Variants in FGD3 observed in about 807,000 individuals in gnomAD.
The protein encoded by FGD3 is FYVE, RhoGEF and PH domain containing 3.
Under a neutral mutation model 71.8 loss-of-function variants are expected in FGD3, and 45 were observed. The ratio of observed to expected loss-of-function variants is 0.63; its 90% CI spans 0.49 to 0.80. FGD3 has a LOEUF of 0.80. Ranked by LOEUF, FGD3 falls within the 30% of genes least tolerant of loss-of-function variation. The probability of loss-of-function intolerance (pLI) is 0.00; values close to 1 mark genes in which losing one functional copy is unlikely to be tolerated. For synonymous variants in FGD3, 378 were observed against 392.8 expected (o/e 0.96, Z 0.44); for missense variants, 844 against 951.5 (o/e 0.89, Z 1.49).
intron 1 of FGD3, among the ~76,000 whole-genome samples, chr9:92,972,987 C>T (rs994770798): frequency 1.3e-5 from 2 of 152,040 alleles, no homozygotes; most frequent in African/African-American, 4.8e-5. Flanking sequence ...TAGGATGACA[C>T]AGACATGATA....
rs1397867999 is a variant in FGD3, at chr9:92,969,131, AC to A, written c.-217-6104del. ...TGCCTGGATTCTCTATCACAGGGTAACCCACAAGGGAGATCTTGTCGTCATC... is the reference window on the plus strand; with the variant it reads ...TGCCTGGATTCTCTATCACAGGGTAACCACAAGGGAGATCTTGTCGTCATC... On this transcript the variant is annotated intron_variant, in intron 1 of 17. Coordinates refer to ENST00000375482, the MANE Select transcript of FGD3 (RefSeq NM_001083536.2). This position sits in a 1 kb window ranked among gnomAD's most constrained non-coding sequence, Gnocchi z 4.5. 6.6e-6 allele frequency among the ~76,000 whole-genome samples: 1 copy of A among 152,210 alleles called. No homozygotes were observed. The highest frequency in any genetic ancestry group is 1.5e-5 in the Non-Finnish European group (1 of 68,022).
intron 1 of FGD3, among the ~76,000 whole-genome samples, chr9:92,956,033 AT>A (rs1859045023): frequency 6.6e-6 from 1 of 152,148 alleles, no homozygotes; most frequent in South Asian, 2.1e-4. Context: ...CTGCATGTTC[AT>A]TGCCAGTATA....
chr9:92,985,089 G>A lies in FGD3; in HGVS notation c.453+8380G>A, dbSNP rs573978523. Among the ~76,000 whole-genome samples the A allele has an allele frequency of 1.4e-4, 21 of 152,324 alleles. No individual in the cohort carries two copies. In the South Asian group the frequency reaches 3.7e-3, roughly 27 times the overall value. On this transcript the variant is annotated intron_variant, in intron 3 of 17. Coordinates refer to ENST00000375482, the MANE Select transcript of FGD3 (RefSeq NM_001083536.2). ...GCCCTTCAGCCTTCAAAGCAGTCCC[G>A]TTTCCAGTGGCCAAGCTTTTGGCAG... is the stretch of plus-strand genomic sequence containing the variant.
In FGD3 at chr9:93,003,331, A is replaced by G. The variant is rs1860930120; in HGVS notation, c.543+317A>G. 6.6e-6 allele frequency among the ~76,000 whole-genome samples: 1 copy of G among 151,768 alleles called. No individual in the cohort carries two copies. Among genetic ancestry groups the G allele is most frequent in the African/African-American group, 2.4e-5 (1 of 41,302 alleles). On this transcript the variant is annotated intron_variant, in intron 4 of 17. Coordinates refer to ENST00000375482, the MANE Select transcript of FGD3 (RefSeq NM_001083536.2). This position sits in a 1 kb window ranked among gnomAD's most constrained non-coding sequence, Gnocchi z 4.1. ...TATAGTAGAGACGGGGTTTCACCAT[A>G]TTTGTCAGGCTGGTCTTGAACTCCT...
intron 16 of FGD3, chr9:93,033,512 C>T (rs983722060): frequency 3.1e-5 from 5 of 160,990 alleles, no homozygotes; most frequent in African/African-American, 1.2e-4. Flanking sequence ...CCCTTCTCCT[C>T]CTCTCTTTCT....
chr9:92,998,163 T>C (rs1234073778), intron 3 of FGD3, among the ~76,000 whole-genome samples: 8 of 152,184 alleles, frequency 5.3e-5, no homozygotes, highest in East Asian at 1.9e-4. Flanking sequence ...AGGCTTTGTT[T>C]GTTTCTTTTT....
At position 93,011,214 on chromosome 9, in the gene FGD3, G is replaced by A. The variant is rs774840229; in HGVS notation, c.977G>A (p.Arg326Lys). 3.1e-6 allele frequency: 5 copies of A among 1,614,142 alleles called. No homozygotes were observed. The highest frequency in any genetic ancestry group is 4.2e-6 in the Non-Finnish European group (5 of 1,179,998). The change falls in exon 8 of 18, where the codon AGG becomes AAG. Residue 326 changes from arginine to lysine, a missense_variant and splice_region_variant. Coordinates refer to ENST00000375482, the MANE Select transcript of FGD3 (RefSeq NM_001083536.2). Reference protein sequence around the residue: ...QDAPDRKDAERSLELISTAAN... With the variant: ...QDAPDRKDAEKSLELISTAAN... ...GCTGAACACAGTCTTCTTCCTGCAG[G>A]GTCCTTGGAGCTCATCTCCACAGCC...
chr9:93,008,363 G>A (rs1279732322), intron 6 of FGD3, among the ~76,000 whole-genome samples: 2 of 152,140 alleles, frequency 1.3e-5, no homozygotes, highest in African/African-American at 2.4e-5. Context: ...CTTGTTTTCT[G>A]ATCCATAACC....
intron 6 of FGD3, among the ~76,000 whole-genome samples, chr9:93,008,468 T>TA (rs1205789624): frequency 7.9e-5 from 12 of 152,362 alleles, no homozygotes; most frequent in African/African-American, 2.9e-4. Context: ...TGCAGCCTAG[T>TA]TACTTGTAGA....
chr9:92,949,487 G>C (rs1190977153), intron 1 of FGD3, among the ~76,000 whole-genome samples: 1 of 152,138 alleles, frequency 6.6e-6, no homozygotes, highest in Non-Finnish European at 1.5e-5. Flanking sequence ...CCCTTCCCAA[G>C]CTCATGAGCA....
At chr9:92,953,204 C>A (rs956458593) in intron 1 of FGD3, among the ~76,000 whole-genome samples, 1 of 152,086 alleles carries the variant, frequency 6.6e-6, no homozygotes, top group Admixed American at 6.5e-5. Context: ...TCTATTTACA[C>A]ATTGATAATT....
intron 1 of FGD3, among the ~76,000 whole-genome samples, chr9:92,973,700 C>T (rs1456695005): frequency 6.6e-6 from 1 of 152,196 alleles, no homozygotes; most frequent in Non-Finnish European, 1.5e-5. Context: ...TGGGCATAGG[C>T]GTGTCCCTGC....
At chr9:92,956,496 A>G (rs1859052528) in intron 1 of FGD3, among the ~76,000 whole-genome samples, 1 of 152,188 alleles carries the variant, frequency 6.6e-6, no homozygotes, top group African/African-American at 2.4e-5. Flanking sequence ...GGTGTCCAAA[A>G]AGAAGAGCTG....
intron 8 of FGD3, among the ~76,000 whole-genome samples, chr9:93,012,712 A>C (rs1313504569): frequency 6.6e-6 from 1 of 151,124 alleles, no homozygotes; most frequent in Non-Finnish European, 1.5e-5. Context: ...GGAAGAATCA[A>C]TCTACATAGA....
intron 9 of FGD3, among the ~76,000 whole-genome samples, chr9:93,014,921 C>T (rs1371611623): frequency 6.6e-6 from 1 of 152,184 alleles, no homozygotes; most frequent in Admixed American, 6.5e-5. Context: ...GCGTGAGCCA[C>T]CTCACCTGGC....
chr9:93,018,174 C>T lies in FGD3; in HGVS notation c.1314C>T (p.Phe438=). ...TCAAGCCAAACACAGCACATACATT[C>T]ATCATAACAGGAAGAAAAAGGTCCC... ...DIVKPNTAHT[F]IITGRKRSLE... Residue 438 remains phenylalanine, a synonymous_variant, in exon 11 of 18, where the codon TTC becomes TTT. Coordinates refer to ENST00000375482, the MANE Select transcript of FGD3 (RefSeq NM_001083536.2). 6.2e-7 allele frequency: 1 copy of T among 1,614,166 alleles called. No individual in the cohort carries two copies. The highest frequency in any genetic ancestry group is 1.6e-4 in the Middle Eastern group (1 of 6,062).
At chr9:92,968,130 C>G (rs1039487550) in intron 1 of FGD3, among the ~76,000 whole-genome samples, 5 of 152,146 alleles carry the variant, frequency 3.3e-5, no homozygotes, top group Non-Finnish European at 7.4e-5. Flanking sequence ...GCTGCCGCAT[C>G]CTTGGGAGAG....
chr9:93,019,101 C>T (rs1193852674), intron 11 of FGD3, among the ~76,000 whole-genome samples: 3 of 152,178 alleles, frequency 2.0e-5, no homozygotes, highest in African/African-American at 4.8e-5. Context: ...CACACCCCCT[C>T]GGCCTCCCAA....
At chr9:92,978,306 A>G (rs539080362) in intron 3 of FGD3, among the ~76,000 whole-genome samples, 1 of 152,056 alleles carries the variant, frequency 6.6e-6, no homozygotes, top group African/African-American at 2.4e-5. Context: ...AAAAGAATAA[A>G]CTATATTCTA....
Sources: gnomAD v4.1 joint callset for allele counts (sites outside exome capture counted in the v4.1 genomes callset) on GRCh38, gnomAD v4.1.1 for gene constraint, Gnocchi (gnomAD v3.1) non-coding constraint, MANE v1.5 for transcripts, NCBI Gene and HGNC (gene_info 2026-07-23, HGNC 2026-07-21) for gene names.